The following TANC2 variants were observed in gnomAD, a reference collection of about 807,000 sequenced individuals.
TANC2 encodes tetratricopeptide repeat, ankyrin repeat and coiled-coil containing 2.
Under a neutral mutation model 210.5 loss-of-function variants are expected in TANC2, and 26 were observed. That is an observed-to-expected ratio of 0.12 (90% CI 0.09 to 0.17). The LOEUF (loss-of-function observed/expected upper bound fraction) is 0.17. Among genes scored for constraint, TANC2 ranks in the 10% least tolerant of loss-of-function variants. TANC2 has a pLI of 1.00. For missense variants in TANC2, 2,129 were observed against 2,608.9 expected (o/e 0.82, Z 4.01); for synonymous variants, 931 against 967.1 (o/e 0.96, Z 0.69).
intron 2 of TANC2, among the ~76,000 whole-genome samples, chr17:63,032,758 T>C (rs962626077): frequency 5.3e-5 from 8 of 152,120 alleles, no homozygotes; most frequent in African/African-American, 1.7e-4. Context: ...CCAGATGTGT[T>C]CCATTAAACA....
At chr17:63,024,215 G>A (rs1316666838) in intron 2 of TANC2, among the ~76,000 whole-genome samples, 2 of 152,170 alleles carry the variant, frequency 1.3e-5, no homozygotes, top group African/African-American at 2.4e-5. Flanking sequence ...GAGTGAAAGC[G>A]AATTTATTAA....
At chr17:63,226,535 T>C (rs1251006385) in intron 7 of TANC2, among the ~76,000 whole-genome samples, 1 of 152,238 alleles carries the variant, frequency 6.6e-6, no homozygotes, top group African/African-American at 2.4e-5. Flanking sequence ...AGTGTACATT[T>C]ATACCACGGA....
intron 2 of TANC2, among the ~76,000 whole-genome samples, chr17:63,013,115 C>A (rs575753439): frequency 4.1e-5 from 6 of 147,522 alleles, no homozygotes; most frequent in African/African-American, 1.5e-4. Flanking sequence ...GGTTGAAGTG[C>A]GGTAGTTATT....
intron 4 of TANC2, among the ~76,000 whole-genome samples, chr17:63,117,829 T>G (rs1469059403): frequency 6.6e-6 from 1 of 152,226 alleles, no homozygotes; most frequent in Non-Finnish European, 1.5e-5. Flanking sequence ...ACTTTGTTCT[T>G]TATAGAAAAA....
intron 2 of TANC2, among the ~76,000 whole-genome samples, chr17:63,013,256 T>C (rs1007638344): frequency 6.6e-6 from 1 of 152,108 alleles, no homozygotes; most frequent in Non-Finnish European, 1.5e-5. Context: ...GATACTTTTA[T>C]GCGAGTATAA....
At chr17:63,427,316 C>T (rs1445342223) in exon 28 of TANC2, 35 of 152,318 alleles carry the variant, frequency 2.3e-4, no homozygotes, top group Admixed American at 2.3e-3. Context: ...CCTTTCAAGA[C>T]ACTTGCTGGA....
chr17:63,155,814 G>A (rs2039815823), intron 5 of TANC2, among the ~76,000 whole-genome samples: 1 of 152,072 alleles, frequency 6.6e-6, no homozygotes, highest in African/African-American at 2.4e-5. Context: ...ATTCATATTT[G>A]TGTATATTCT....
intron 9 of TANC2, among the ~76,000 whole-genome samples, chr17:63,272,327 A>G (rs1475881695): frequency 6.6e-6 from 1 of 152,110 alleles, no homozygotes; most frequent in Non-Finnish European, 1.5e-5. Context: ...GTCTGTTTGT[A>G]CCAGTACCAT....
chr17:63,380,082 A>T (rs2047556444), intron 15 of TANC2, among the ~76,000 whole-genome samples: 2 of 152,214 alleles, frequency 1.3e-5, no homozygotes, highest in African/African-American at 4.8e-5. Flanking sequence ...ACACCTATAG[A>T]TGTGTGCTCC....
At chr17:63,406,022 TG>T in intron 20 of TANC2, 131 bp from the exon 21 acceptor site, 2 of 1,146,684 alleles carry the variant, frequency 1.7e-6, no homozygotes, top group African/African-American at 1.5e-5. Flanking sequence ...CAGGTACTTA[TG>T]GGGGAAGTGG....
intron 6 of TANC2, among the ~76,000 whole-genome samples, chr17:63,199,562 T>G (rs2041459995): frequency 6.6e-6 from 1 of 150,766 alleles, no homozygotes; most frequent in Non-Finnish European, 1.5e-5. Flanking sequence ...GAGGTTGCAG[T>G]GAGTTGAGAT....
rs148496344 is a variant in TANC2 at position 63,268,010 on chromosome 17, C to G, written c.1159+137C>G. 330 of 962,892 alleles carry G rather than the reference C, an allele frequency of 3.4e-4. 1 individual carries two copies. The African/African-American group carries it at 5.0e-3, about 15-fold the overall frequency. 59.6% of individuals were successfully genotyped at this position (962,892 alleles called of 1,614,324 possible). A position where few individuals can be genotyped will look rare whatever the true frequency, so the allele number is the denominator to read the frequency against. ...TGAAATGATCCATTTTAGCATGTGA[C>G]CAGTTCATTTCTGCTGAGTCTAGAG... On this transcript the variant is annotated intron_variant, in intron 9 of 27. Coordinates refer to ENST00000689528, the Ensembl canonical transcript of TANC2.
intron 14 of TANC2, among the ~76,000 whole-genome samples, chr17:63,375,945 T>G (rs2047410008): frequency 6.6e-6 from 1 of 151,192 alleles, no homozygotes; most frequent in Admixed American, 6.6e-5. Context: ...AAAAATTAGC[T>G]GGGCATGGTG....
chr17:63,223,733 G>A (rs954510670), intron 7 of TANC2, among the ~76,000 whole-genome samples: 2 of 152,056 alleles, frequency 1.3e-5, no homozygotes, highest in African/African-American at 4.8e-5. Flanking sequence ...CGGCAGTGGA[G>A]TGTCTTTAAT....
chr17:63,313,001 G>C (rs1183834370), intron 9 of TANC2, among the ~76,000 whole-genome samples: 1 of 152,166 alleles, frequency 6.6e-6, no homozygotes, highest in African/African-American at 2.4e-5. Flanking sequence ...ACACATGTAT[G>C]TGTGCGTGTG....
chr17:63,260,461 A>G (rs1394223890), intron 8 of TANC2, among the ~76,000 whole-genome samples: 1 of 152,208 alleles, frequency 6.6e-6, no homozygotes, highest in Non-Finnish European at 1.5e-5. Flanking sequence ...ACAGATTATC[A>G]TTTGCTGGTG....
At chr17:63,371,978 T>C (rs2047281945) in intron 14 of TANC2, among the ~76,000 whole-genome samples, 2 of 152,152 alleles carry the variant, frequency 1.3e-5, no homozygotes, top group South Asian at 2.1e-4. Flanking sequence ...TAGAATTTGC[T>C]CTCTGCTATC....
intron 8 of TANC2, among the ~76,000 whole-genome samples, chr17:63,261,501 A>G (rs2043355869): frequency 6.6e-6 from 1 of 152,180 alleles, no homozygotes; most frequent in Admixed American, 6.5e-5. Flanking sequence ...TGTGGAGATT[A>G]GACCCAGACC....
At chr17:63,045,811 T>C (rs2035355549) in intron 2 of TANC2, among the ~76,000 whole-genome samples, 1 of 152,158 alleles carries the variant, frequency 6.6e-6, no homozygotes, top group Non-Finnish European at 1.5e-5. Flanking sequence ...AAAAAAATTA[T>C]TTTTAAAAAG....
Sources: gnomAD v4.1 joint callset for allele counts (sites outside exome capture counted in the v4.1 genomes callset) on GRCh38, gnomAD v4.1.1 for gene constraint, MANE v1.5 for transcripts, NCBI Gene and HGNC (gene_info 2026-07-23, HGNC 2026-07-21) for gene names.